MARCHF11: variants seen among roughly 807,000 people sequenced by gnomAD.
The protein encoded by MARCHF11 is membrane associated ring-CH-type finger 11, also known as E3 ubiquitin-protein ligase MARCHF11.
Under a neutral mutation model 37.3 loss-of-function variants are expected in MARCHF11, and 29 were observed. The ratio of observed to expected loss-of-function variants is 0.78; its 90% CI spans 0.58 to 1.06. The LOEUF (loss-of-function observed/expected upper bound fraction) is 1.06. MARCHF11 is among the 50% of genes least tolerant of loss of function. The probability of loss-of-function intolerance (pLI) is 0.00; values close to 1 mark genes in which losing one functional copy is unlikely to be tolerated. For missense variants in MARCHF11, 482 were observed against 533.4 expected (o/e 0.90, Z 0.95); for synonymous variants, 233 against 228.0 (o/e 1.02, Z -0.20).
At chr5:16,146,181 T>C (rs974814849) in intron 2 of MARCHF11, among the ~76,000 whole-genome samples, 1 of 152,224 alleles carries the variant, frequency 6.6e-6, no homozygotes, top group South Asian at 2.1e-4. Flanking sequence ...TGAATCTCCC[T>C]GTCCAAATGT....
At chr5:16,074,964 C>G (rs1302214459) in intron 3 of MARCHF11, among the ~76,000 whole-genome samples, 1 of 152,186 alleles carries the variant, frequency 6.6e-6, no homozygotes, top group Non-Finnish European at 1.5e-5. Flanking sequence ...GGCCTGGACA[C>G]AAAAAGCACA....
intron 3 of MARCHF11, among the ~76,000 whole-genome samples, chr5:16,082,577 G>A (rs774105385): frequency 1.3e-5 from 2 of 152,140 alleles, no homozygotes; most frequent in African/African-American, 2.4e-5. Context: ...GGTCGCCTTA[G>A]TAGTCAAATT....
At chr5:16,160,385 ATAT>A (rs1177870246) in intron 2 of MARCHF11, among the ~76,000 whole-genome samples, 3 of 144,872 alleles carry the variant, frequency 2.1e-5, no homozygotes, top group Non-Finnish European at 4.5e-5. Context: ...AAATATAATA[ATAT>A]AATATATATT....
rs1464422534 is a variant in MARCHF11, at chr5:16,067,359, A to C, written c.*112T>G. The C allele has an allele frequency of 6.1e-6, 6 of 985,780 alleles. No homozygotes were observed. Among genetic ancestry groups the C allele is most frequent in the Middle Eastern group, 2.3e-4 (1 of 4,392 alleles). 61.1% of individuals were successfully genotyped at this position (985,780 alleles called of 1,614,324 possible). On this transcript the variant is annotated 3_prime_UTR_variant, in exon 4 of 4. Transcript: ENST00000332432. Reference sequence around the variant, plus strand: ...TTCAAATGTTCATATAAAAAGCATAAATTTTAAAAAGTTCATAGATGTGTT... The same window carrying C: ...TTCAAATGTTCATATAAAAAGCATACATTTTAAAAAGTTCATAGATGTGTT...
At chr5:16,177,635 G>T in intron 2 of MARCHF11, 91 bp downstream of exon 2, 2 of 1,066,432 alleles carry the variant, frequency 1.9e-6, no homozygotes, top group Non-Finnish European at 2.5e-6. Context: ...TTTTTAAGTA[G>T]CATAAGTAAA....
chr5:16,071,002 T>C (rs893128428), intron 3 of MARCHF11, among the ~76,000 whole-genome samples: 2 of 152,146 alleles, frequency 1.3e-5, no homozygotes, highest in Admixed American at 6.5e-5. Context: ...TTTGTGCTAG[T>C]GGTTATCAGG....
At chr5:16,101,562 G>A (rs1736958324) in intron 2 of MARCHF11, among the ~76,000 whole-genome samples, 1 of 152,196 alleles carries the variant, frequency 6.6e-6, no homozygotes, top group Admixed American at 6.5e-5. Flanking sequence ...TGAATTAAAA[G>A]TGTGTGTCTG....
At chr5:16,140,692 T>A (rs1267168467) in intron 2 of MARCHF11, among the ~76,000 whole-genome samples, 1 of 152,146 alleles carries the variant, frequency 6.6e-6, no homozygotes, top group Non-Finnish European at 1.5e-5. Context: ...GTTCTCAACA[T>A]AAAAAATCTT....
intron 3 of MARCHF11, among the ~76,000 whole-genome samples, chr5:16,069,655 G>A (rs1440928760): frequency 6.6e-6 from 1 of 152,094 alleles, no homozygotes; most frequent in African/African-American, 2.4e-5. Flanking sequence ...TAAATTCCCA[G>A]GGAAAACTGA....
At chr5:16,125,004 G>A (rs1374269699) in intron 2 of MARCHF11, among the ~76,000 whole-genome samples, 1 of 151,444 alleles carries the variant, frequency 6.6e-6, no homozygotes, top group Non-Finnish European at 1.5e-5. Flanking sequence ...TGTCAGGAAT[G>A]TTGGCTTGGC....
chr5:16,078,730 G>T (rs2126547845), intron 3 of MARCHF11, among the ~76,000 whole-genome samples: 1 of 152,296 alleles, frequency 6.6e-6, no homozygotes, highest in Middle Eastern at 3.4e-3. Flanking sequence ...GAGGGATGGG[G>T]ACAGGTGGCT....
At chr5:16,142,550 G>T (rs537052134) in intron 2 of MARCHF11, among the ~76,000 whole-genome samples, 16 of 152,198 alleles carry the variant, frequency 1.1e-4, no homozygotes, top group Admixed American at 4.6e-4. Context: ...CTGGATCCAG[G>T]TTTCGAGGGA....
At chr5:16,095,166 T>C (rs909040141) in intron 2 of MARCHF11, among the ~76,000 whole-genome samples, 7 of 152,196 alleles carry the variant, frequency 4.6e-5, no homozygotes, top group African/African-American at 1.7e-4. Flanking sequence ...GTTCTCCTGA[T>C]GAAGCTTCCC....
At chr5:16,107,012 A>G (rs1411437049) in intron 2 of MARCHF11, among the ~76,000 whole-genome samples, 1 of 152,242 alleles carries the variant, frequency 6.6e-6, no homozygotes, top group Non-Finnish European at 1.5e-5. Context: ...CACCTGCCCC[A>G]TGAACGTCAG....
chr5:16,151,649 A>ATGTGTGTGTGTGTGTGTGTG (rs58891017), intron 2 of MARCHF11, among the ~76,000 whole-genome samples: 2 of 131,410 alleles, frequency 1.5e-5, no homozygotes, highest in African/African-American at 2.9e-5. Context: ...CGTGAGTTGA[A>ATGTGTGTGTGTGTGTGTGTG]TGTGTGTGTG....
At chr5:16,090,705 G>A (rs1736776130) in intron 3 of MARCHF11, among the ~76,000 whole-genome samples, 184 bp downstream of exon 3, 2 of 150,814 alleles carry the variant, frequency 1.3e-5, no homozygotes, top group African/African-American at 2.4e-5. Flanking sequence ...CAAACTACAC[G>A]GGAATATAGA....
At chr5:16,106,424 T>C (rs1199187035) in intron 2 of MARCHF11, among the ~76,000 whole-genome samples, 6 of 152,340 alleles carry the variant, frequency 3.9e-5, no homozygotes, top group African/African-American at 7.2e-5. Context: ...TCCCTGACCA[T>C]ACTGTGAGCT....
intron 3 of MARCHF11, among the ~76,000 whole-genome samples, chr5:16,085,235 T>C (rs988851345): frequency 1.3e-5 from 2 of 151,868 alleles, no homozygotes; most frequent in African/African-American, 2.4e-5. Context: ...CAAAAACTCC[T>C]AAAGTGTGCT....
intron 2 of MARCHF11, among the ~76,000 whole-genome samples, chr5:16,125,475 T>C (rs1737387727): frequency 6.6e-6 from 1 of 152,148 alleles, no homozygotes; most frequent in South Asian, 2.1e-4. Flanking sequence ...AGAATTAACT[T>C]CCCAGTAATG....
Sources: gnomAD v4.1 joint callset for allele counts (sites outside exome capture counted in the v4.1 genomes callset) on GRCh38, gnomAD v4.1.1 for gene constraint, MANE v1.5 for transcripts, NCBI Gene and HGNC (gene_info 2026-07-23, HGNC 2026-07-21) for gene names.